TTLL12: variants seen among roughly 807,000 people sequenced by gnomAD.
TTLL12 encodes tubulin tyrosine ligase like 12.
A neutral mutation model predicts 79.6 loss-of-function variants in TTLL12; 77 were observed. That is an observed-to-expected ratio of 0.97 (90% CI 0.81 to 1.17). The LOEUF (loss-of-function observed/expected upper bound fraction) is 1.17, where lower values mean the gene tolerates loss of function less well. TTLL12 is among the 50% of genes most tolerant of loss of function. The probability of loss-of-function intolerance (pLI) is 0.00; values close to 1 mark genes in which losing one functional copy is unlikely to be tolerated. For synonymous variants in TTLL12, 437 were observed against 376.1 expected (o/e 1.16, Z -1.87); for missense variants, 969 against 895.9 (o/e 1.08, Z -1.04).
In TTLL12 at chr22:43,179,859, T is replaced by A; in HGVS notation, c.688A>T (p.Arg230Trp). Residue 230 changes from arginine (R) to tryptophan (W), a missense_variant, in exon 4 of 14, where the codon AGG becomes TGG. By Grantham distance (101) the Arg-to-Trp change is moderately radical. Coordinates refer to ENST00000216129, the MANE Select transcript of TTLL12 (RefSeq NM_015140.4). ...QVAYTLLWPLRDLDTGEEVTR... is the reference protein window; with the variant it reads ...QVAYTLLWPLWDLDTGEEVTR... ...GACTTACCGCCAGTGTCCAGGTCCC[T>A]CAGGGGCCACAGCAGCGTGTAGGCC... 6.3e-7 allele frequency: 1 copy of A among 1,597,660 alleles called. No homozygotes were observed. The highest frequency in any genetic ancestry group is 8.5e-7 in the Non-Finnish European group (1 of 1,171,672).
intron 1 of TTLL12, among the ~76,000 whole-genome samples, chr22:43,185,120 C>T (rs777392134): frequency 6.6e-6 from 1 of 151,304 alleles, no homozygotes; most frequent in Non-Finnish European, 1.5e-5. Context: ...CCCAGCTACT[C>T]GGGAGGCTGA....
rs778696574 is a variant in TTLL12, at chr22:43,179,630, C to T, written c.829G>A (p.Glu277Lys). The part of the protein sequence containing the change: ...LSSCTPEPPA[E>K]HYQAILEENK... ...GAGGAGGGCTGCACCTGGTAGTGCT[C>T]GGCGGGCGGCTCGGGTGTGCAAGAG... The change falls in exon 5 of 14, where the codon GAG becomes AAG. Residue 277 changes from glutamate to lysine, a missense_variant. Coordinates refer to ENST00000216129, the MANE Select transcript of TTLL12 (RefSeq NM_015140.4). The T allele has an allele frequency of 1.1e-5, 18 of 1,582,538 alleles. No individual in the cohort carries two copies. The East Asian group carries it at 2.5e-4, about 22-fold the overall frequency.
chr22:43,170,475 T>A (rs910307469), intron 11 of TTLL12, among the ~76,000 whole-genome samples: 4 of 152,176 alleles, frequency 2.6e-5, no homozygotes, highest in African/African-American at 9.7e-5. Context: ...CGCGCCATGA[T>A]TTATCATTAG....
intron 11 of TTLL12, among the ~76,000 whole-genome samples, chr22:43,170,554 G>A (rs1476418851): frequency 4.6e-5 from 7 of 152,096 alleles, no homozygotes. Flanking sequence ...CTCAAAACAC[G>A]CCACTCAGCC....
Position 43,171,864 on chromosome 22 carries a change from C to T in TTLL12, c.1530G>A (p.Lys510=). ...GGTCATAGTTCATGACCGTGAAGTGCTTCTCGTAGTCATCCAGGTCGTTGA... is the reference window on the plus strand; with the variant it reads ...GGTCATAGTTCATGACCGTGAAGTGTTTCTCGTAGTCATCCAGGTCGTTGA... ...FALNDLDDYE[K]HFTVMNYDPD... Residue 510 remains lysine (K), a synonymous_variant, in exon 11 of 14, where the codon AAG becomes AAA. Coordinates refer to ENST00000216129, the MANE Select transcript of TTLL12 (RefSeq NM_015140.4). The T allele has an allele frequency of 6.2e-7, 1 of 1,614,162 alleles. No homozygotes were observed. Among genetic ancestry groups the T allele is most frequent in the South Asian group, 1.1e-5 (1 of 91,088 alleles).
rs1377309113 is a variant in TTLL12, at chr22:43,166,723, C to T, written c.*1285G>A. The T allele has an allele frequency of 1.3e-5, 2 of 153,148 alleles. No homozygotes were observed. The highest frequency in any genetic ancestry group is 4.8e-5 in the African/African-American group (2 of 41,486). The allele number at this position is 153,148 out of a possible 1,614,324, so 9.5% of individuals were successfully genotyped here. ...CGACGGGCCCGCCCTGCCCCTGCAA[C>T]AGGCCCTCCAGGGGCTAGAGCATGG... On this transcript the variant is annotated 3_prime_UTR_variant, in exon 14 of 14. Coordinates refer to ENST00000216129, the MANE Select transcript of TTLL12 (RefSeq NM_015140.4).
chr22:43,174,717 A>G, intron 6 of TTLL12, 102 bp from the exon 7 acceptor site: 4 of 849,706 alleles, frequency 4.7e-6, no homozygotes, highest in Non-Finnish European at 7.3e-6. Context: ...TTTTGAAGCT[A>G]ATGAGGCAGA....
intron 12 of TTLL12, among the ~76,000 whole-genome samples, chr22:43,169,171 C>T (rs1408756983): frequency 1.3e-5 from 2 of 152,222 alleles, no homozygotes; most frequent in Non-Finnish European, 2.9e-5. Flanking sequence ...ACACAGCACC[C>T]AGAATGCCGC....
At chr22:43,186,649 T>G (rs1482792790) in intron 1 of TTLL12, among the ~76,000 whole-genome samples, 1 of 152,092 alleles carries the variant, frequency 6.6e-6, no homozygotes, top group Admixed American at 6.5e-5. Flanking sequence ...GTGGAGGACC[T>G]AAAGTTCCCA....
intron 1 of TTLL12, chr22:43,186,048 C>G: frequency 1.0e-6 from 1 of 984,858 alleles, no homozygotes. Flanking sequence ...TGGCCAGCAG[C>G]CAGGCTCAGG....
In TTLL12 at chr22:43,182,972, G is replaced by A. The variant is rs1014243250; in HGVS notation, c.347+8C>T. The A allele has an allele frequency of 1.2e-6, 2 of 1,612,224 alleles. No individual in the cohort carries two copies. Among genetic ancestry groups the A allele is most frequent in the Non-Finnish European group, 1.7e-6 (2 of 1,178,744 alleles). The stretch of plus-strand genomic sequence containing the variant: ...AGGTTGTGGTGGTGTCTCTGGCCAG[G>A]CTCCTACCTGTTGGGGTGGGCTGCC... On this transcript the variant is annotated splice_region_variant and intron_variant, in intron 2 of 13. Coordinates refer to ENST00000216129, the MANE Select transcript of TTLL12 (RefSeq NM_015140.4).
At chr22:43,185,064 C>T (rs1932144785) in intron 1 of TTLL12, among the ~76,000 whole-genome samples, 1 of 151,574 alleles carries the variant, frequency 6.6e-6, no homozygotes, top group Non-Finnish European at 1.5e-5. Flanking sequence ...CCCATCTCTA[C>T]TAAAAATACA....
In TTLL12 at chr22:43,168,179, CAG is replaced by C; in HGVS notation, c.1784-22_1784-21del. On this transcript the variant is annotated intron_variant, in intron 13 of 13. Coordinates refer to ENST00000216129, the MANE Select transcript of TTLL12 (RefSeq NM_015140.4). ...GCCTTCCTGATGGCAAAGAGCGCAG[CAG>C]AGTGTGAAGGCTCGTTGGCCTCCAC... The C allele has an allele frequency of 6.2e-7, 1 of 1,612,250 alleles. No individual in the cohort carries two copies. Among genetic ancestry groups the C allele is most frequent in the Non-Finnish European group, 8.5e-7 (1 of 1,178,688 alleles).
rs1326261271 is a variant in TTLL12, at chr22:43,167,434, G to T, written c.*574C>A. On this transcript the variant is annotated 3_prime_UTR_variant, in exon 14 of 14. Transcript: ENST00000216129. ...CTGGAATGGGTGATAAGGCGGGCTT[G>T]CTGGGTGGTGGCCTCAGGCTGTTCC... The T allele has an allele frequency of 3.4e-6, 1 of 296,980 alleles. No individual in the cohort carries two copies. The highest frequency in any genetic ancestry group is 6.7e-6 in the Non-Finnish European group (1 of 149,474). The allele number at this position is 296,980 out of a possible 1,614,324, so 18.4% of individuals were successfully genotyped here.
In TTLL12 at chr22:43,174,602, C is replaced by T. The variant is rs368262822; in HGVS notation, c.931G>A (p.Val311Met). ...HGHIFKVYTD[V>M]QQVASSLTHP... Reference sequence around the variant, plus strand: ...GTGAGGCTGCTGGCCACCTGCTGCACGTCCGTGTAGACCCTGTGGGGAGAG... The same window carrying T: ...GTGAGGCTGCTGGCCACCTGCTGCATGTCCGTGTAGACCCTGTGGGGAGAG... The change falls in exon 7 of 14, where the codon GTG becomes ATG. Residue 311 changes from valine to methionine, a missense_variant. Physicochemically the swap from Val to Met is conservative, Grantham distance 21 (BLOSUM62 1). Transcript: ENST00000216129. The T allele has an allele frequency of 3.4e-5, 54 of 1,611,112 alleles. No individual in the cohort carries two copies. The highest frequency in any genetic ancestry group is 3.0e-4 in the South Asian group (27 of 90,858).
rs771113639 is a variant in TTLL12 at position 43,174,171 on chromosome 22, G to A, written c.1229+38C>T. Reference sequence around the variant, plus strand: ...GACACAGACGCTGGGCCGGGGAAAAGGGCCATGGAGCACACCGATGCCGTG... The same window carrying A: ...GACACAGACGCTGGGCCGGGGAAAAAGGCCATGGAGCACACCGATGCCGTG... On this transcript the variant is annotated intron_variant, in intron 8 of 13. Coordinates refer to ENST00000216129, the MANE Select transcript of TTLL12 (RefSeq NM_015140.4). The A allele has an allele frequency of 1.9e-6, 3 of 1,586,072 alleles. No individual in the cohort carries two copies. The East Asian group carries it at 6.7e-5, about 36-fold the overall frequency.
At chr22:43,181,005 C>G in intron 2 of TTLL12, 65 bp from the exon 3 acceptor site, 1 of 1,534,698 alleles carries the variant, frequency 6.5e-7, no homozygotes, top group South Asian at 1.2e-5. Context: ...GTCGGGGGAG[C>G]AAGAGGCCCA....
At chr22:43,169,387 G>C in intron 12 of TTLL12, 113 bp downstream of exon 12, 2 of 937,634 alleles carry the variant, frequency 2.1e-6, no homozygotes, top group Non-Finnish European at 3.1e-6. Flanking sequence ...AACTGCAGGG[G>C]ACAAAGGTCC....
At chr22:43,182,726 G>A (rs936430599) in intron 2 of TTLL12, among the ~76,000 whole-genome samples, 5 of 152,190 alleles carry the variant, frequency 3.3e-5, no homozygotes, top group African/African-American at 1.2e-4. Flanking sequence ...CCCTGTAGCA[G>A]GACCACTGTG....
Sources: allele counts gnomAD v4.1 joint callset (sites outside exome capture counted in the v4.1 genomes callset), GRCh38; gene constraint gnomAD v4.1.1; transcripts MANE v1.5; gene names NCBI Gene and HGNC (gene_info 2026-07-23, HGNC 2026-07-21).